The following CTNNA3 variants were observed in gnomAD, a reference collection of about 807,000 sequenced individuals.
CTNNA3 encodes catenin alpha-3.
Under a neutral mutation model 95.7 loss-of-function variants are expected in CTNNA3, and 76 were observed. The observed-to-expected ratio is 0.79, with a 90% confidence interval of 0.66 to 0.96. The LOEUF (loss-of-function observed/expected upper bound fraction) is 0.96. Ranked by LOEUF, CTNNA3 falls within the 40% of genes least tolerant of loss-of-function variation. The pLI is 0.00. For synonymous variants in CTNNA3, 431 were observed against 374.4 expected (o/e 1.15, Z -1.74); for missense variants, 1,191 against 1,089.8 (o/e 1.09, Z -1.31).
At chr10:67,456,007 T>C (rs1178125826) in intron 5 of CTNNA3, among the ~76,000 whole-genome samples, 2 of 152,144 alleles carry the variant, frequency 1.3e-5, no homozygotes, top group East Asian at 1.9e-4. Context: ...ATACAAGAAC[T>C]CCTCTGTACT....
chr10:66,962,969 T>C (rs1052212333), intron 7 of CTNNA3, among the ~76,000 whole-genome samples: 2 of 145,680 alleles, frequency 1.4e-5, no homozygotes, highest in African/African-American at 5.2e-5. Flanking sequence ...CAATAAGTAG[T>C]TGTTGACTGA....
chr10:67,483,339 T>A (rs2133059234), intron 5 of CTNNA3, among the ~76,000 whole-genome samples: 1 of 142,804 alleles, frequency 7.0e-6, no homozygotes, highest in Non-Finnish European at 1.5e-5. Context: ...GCGGCACTCT[T>A]CACAATAGCA....
intron 5 of CTNNA3, among the ~76,000 whole-genome samples, chr10:67,457,231 T>C (rs757947609): frequency 6.6e-6 from 1 of 152,160 alleles, no homozygotes; most frequent in Non-Finnish European, 1.5e-5. Flanking sequence ...GCCAAAGTTA[T>C]GGCCAAGAAG....
intron 11 of CTNNA3, among the ~76,000 whole-genome samples, chr10:66,512,758 T>C (rs1461353261): frequency 6.6e-6 from 1 of 152,136 alleles, no homozygotes; most frequent in Non-Finnish European, 1.5e-5. Flanking sequence ...TTCTAAAGAA[T>C]AGCTTTATGG....
At chr10:66,985,529 G>T (rs1044702168) in intron 7 of CTNNA3, among the ~76,000 whole-genome samples, 1 of 152,024 alleles carries the variant, frequency 6.6e-6, no homozygotes, top group African/African-American at 2.4e-5. Flanking sequence ...TTCTGCAGAT[G>T]GTTCCCATTG....
At chr10:67,121,551 T>C (rs1182275067) in intron 7 of CTNNA3, among the ~76,000 whole-genome samples, 1 of 152,032 alleles carries the variant, frequency 6.6e-6, no homozygotes, top group Non-Finnish European at 1.5e-5. Flanking sequence ...CAAGATAAAC[T>C]ACTTTAGTTG....
chr10:67,693,803 T>A (rs1437914923), intron 1 of CTNNA3, among the ~76,000 whole-genome samples: 1 of 152,170 alleles, frequency 6.6e-6, no homozygotes, highest in Non-Finnish European at 1.5e-5. Flanking sequence ...TTCCTTCTAC[T>A]CTATTTACAC....
chr10:67,335,173 T>A (rs1378464967), intron 5 of CTNNA3, among the ~76,000 whole-genome samples: 1 of 152,126 alleles, frequency 6.6e-6, no homozygotes, highest in Non-Finnish European at 1.5e-5. Context: ...ATCCCAAAGA[T>A]GTCCACATTA....
chr10:66,145,924 G>A (rs2083861071), intron 13 of CTNNA3, among the ~76,000 whole-genome samples: 2 of 152,018 alleles, frequency 1.3e-5, no homozygotes, highest in Non-Finnish European at 1.5e-5. Context: ...CATGATCTAG[G>A]CTCACTGCAA....
chr10:66,050,190 T>A (rs2079918006), intron 15 of CTNNA3, among the ~76,000 whole-genome samples: 1 of 152,100 alleles, frequency 6.6e-6, no homozygotes, highest in Non-Finnish European at 1.5e-5. Flanking sequence ...TTTGGATGTA[T>A]AATGAATATT....
At chr10:66,086,457 G>T (rs2080987880) in intron 14 of CTNNA3, among the ~76,000 whole-genome samples, 1 of 151,982 alleles carries the variant, frequency 6.6e-6, no homozygotes, top group South Asian at 2.1e-4. Flanking sequence ...TTTGCCAAAG[G>T]TTCTTAAGCA....
chr10:65,929,859 C>T (rs1456238622), intron 17 of CTNNA3, among the ~76,000 whole-genome samples: 1 of 152,048 alleles, frequency 6.6e-6, no homozygotes, highest in Non-Finnish European at 1.5e-5. Context: ...AGCCACCGTG[C>T]CTGGCCAAAG....
chr10:66,766,765 G>A (rs1839875352), intron 8 of CTNNA3, among the ~76,000 whole-genome samples: 2 of 152,096 alleles, frequency 1.3e-5, no homozygotes, highest in African/African-American at 2.4e-5. Context: ...TGTACATCTT[G>A]TATTTTTATA....
chr10:66,330,339 C>A (rs1271491771), intron 12 of CTNNA3, among the ~76,000 whole-genome samples: 1 of 151,694 alleles, frequency 6.6e-6, no homozygotes, highest in African/African-American at 2.4e-5. Context: ...TTGTCCTTGC[C>A]ATAGTTTGCT....
At chr10:67,625,080 C>T (rs1284131179) in intron 2 of CTNNA3, among the ~76,000 whole-genome samples, 1 of 152,142 alleles carries the variant, frequency 6.6e-6, no homozygotes, top group African/African-American at 2.4e-5. Context: ...ATTTTTGGGC[C>T]ACGTCTGGTG....
intron 5 of CTNNA3, among the ~76,000 whole-genome samples, chr10:67,514,500 T>C (rs1246288888): frequency 6.6e-6 from 1 of 152,050 alleles, no homozygotes; most frequent in Non-Finnish European, 1.5e-5. Context: ...AAGAAGACAT[T>C]TTCAGAGTTA....
At chr10:67,500,586 C>A (rs978258888) in intron 5 of CTNNA3, among the ~76,000 whole-genome samples, 5 of 152,154 alleles carry the variant, frequency 3.3e-5, no homozygotes, top group African/African-American at 1.2e-4. Context: ...GCTCTAAGAA[C>A]TTGTTTTATG....
chr10:66,079,412 T>C (rs1385503624), intron 14 of CTNNA3: 2 of 152,026 alleles, frequency 1.3e-5, no homozygotes, highest in Non-Finnish European at 2.9e-5. Flanking sequence ...ATTATATGAA[T>C]AGTATAACAA....
chr10:66,254,640 T>C lies in CTNNA3; in HGVS notation c.1884+25830A>G, dbSNP rs114719830. 4.0e-3 allele frequency among the ~76,000 whole-genome samples: 604 copies of C among 152,342 alleles called. 3 individuals carry two copies. The highest frequency in any genetic ancestry group is 0.014 in the African/African-American group (586 of 41,586). Reference sequence around the variant, plus strand: ...GCCAACCTGAGAGTCAACCACTTTCTGATGCTGGGGCTCTGACACCCTGCC... The same window carrying C: ...GCCAACCTGAGAGTCAACCACTTTCCGATGCTGGGGCTCTGACACCCTGCC... On this transcript the variant is annotated intron_variant, in intron 13 of 17. Coordinates refer to ENST00000433211, the MANE Select transcript of CTNNA3 (RefSeq NM_013266.4).
Sources: gnomAD v4.1 joint callset for allele counts (sites outside exome capture counted in the v4.1 genomes callset) on GRCh38, gnomAD v4.1.1 for gene constraint, MANE v1.5 for transcripts, NCBI Gene and HGNC (gene_info 2026-07-23, HGNC 2026-07-21) for gene names.